Variants in SCN10A observed in about 807,000 individuals in gnomAD.
SCN10A encodes sodium voltage-gated channel alpha subunit 10, also known as sodium channel protein type 10 subunit alpha.
In SCN10A, 162 loss-of-function variants were observed where a neutral mutation model predicts 170.7. The ratio of observed to expected loss-of-function variants is 0.95; its 90% CI spans 0.84 to 1.08. The LOEUF is 1.08. Ranked by LOEUF, SCN10A falls within the 50% of genes least tolerant of loss-of-function variation. The pLI, the probability that SCN10A is intolerant of heterozygous loss-of-function variation, is 0.00. For synonymous variants in SCN10A, 985 were observed against 904.6 expected, an observed-to-expected ratio of 1.09 and a Z score of -1.59; for missense variants, 2,527 against 2,436.9, an observed-to-expected ratio of 1.04 and a Z score of -0.78.
Position 38,739,447 on chromosome 3 carries a change from C to T in SCN10A, c.2280+68G>A. The T allele has an allele frequency of 6.2e-6, 9 of 1,459,536 alleles. No individual in the cohort carries two copies. In the South Asian group the frequency reaches 1.1e-4, roughly 19 times the overall value. The allele number at this position is 1,459,536 out of a possible 1,614,324, so 90.4% of individuals were successfully genotyped here. Reference sequence around the variant, plus strand: ...GAAGGGGGAGCTGGCTGGTGCAGTCCCCAGAGCACAGTGTCTTCCCTGAAT... The same window carrying T: ...GAAGGGGGAGCTGGCTGGTGCAGTCTCCAGAGCACAGTGTCTTCCCTGAAT... On this transcript the variant is annotated intron_variant, in intron 15 of 27. Transcript: ENST00000449082.
intron 4 of SCN10A, among the ~76,000 whole-genome samples, chr3:38,787,332 C>T (rs1014291903): frequency 4.6e-5 from 7 of 152,108 alleles, no homozygotes; most frequent in Non-Finnish European, 8.8e-5. Context: ...TTGCTAGTGT[C>T]TATACACAAT....
intron 4 of SCN10A, among the ~76,000 whole-genome samples, chr3:38,787,540 G>A (rs972497976): frequency 6.6e-6 from 1 of 151,692 alleles, no homozygotes; most frequent in Middle Eastern, 3.4e-3. Flanking sequence ...TTACAAAGTG[G>A]AACTGAGAAG....
chr3:38,767,183 C>A (rs564286021), intron 5 of SCN10A, among the ~76,000 whole-genome samples: 6 of 151,420 alleles, frequency 4.0e-5, no homozygotes, highest in African/African-American at 1.5e-4. Flanking sequence ...TTAAAGAACC[C>A]GCTTTTTGTT....
At position 38,722,286 on chromosome 3, in the gene SCN10A, A is replaced by G. The variant is rs2063398350; in HGVS notation, c.3479T>C (p.Phe1160Ser). ...AGATCCACTGCTGAGCAGGATCATG[A>G]AGATGATGAAGCTCTCAAACCAGCT... Reference protein sequence around the residue: ...EHSWFESFIIFMILLSSGSLA... With the variant: ...EHSWFESFIISMILLSSGSLA... The change falls in exon 20 of 28, where the codon TTC becomes TCC. Residue 1160 changes from phenylalanine (F) to serine (S), a missense_variant. Coordinates refer to ENST00000449082, the MANE Select transcript of SCN10A (RefSeq NM_006514.4). 1 of 1,614,146 alleles carries G rather than the reference A, an allele frequency of 6.2e-7. No individual in the cohort carries two copies. The highest frequency in any genetic ancestry group is 1.3e-5 in the African/African-American group (1 of 75,044).
intron 1 of SCN10A, among the ~76,000 whole-genome samples, chr3:38,806,651 A>G (rs2064407053): frequency 6.6e-6 from 1 of 152,176 alleles, no homozygotes; most frequent in Non-Finnish European, 1.5e-5. Context: ...CAAATAATGT[A>G]TATGGAAGCA....
chr3:38,756,006 T>G, intron 10 of SCN10A, 48 bp from the exon 11 acceptor site: 1 of 1,602,290 alleles, frequency 6.2e-7, no homozygotes, highest in African/African-American at 1.3e-5. Context: ...TGCTTGGACT[T>G]AGCATGAATG....
chr3:38,718,310 C>T (rs1373057998), intron 21 of SCN10A, among the ~76,000 whole-genome samples: 1 of 152,178 alleles, frequency 6.6e-6, no homozygotes, highest in African/African-American at 2.4e-5. Flanking sequence ...TTCATGGCTC[C>T]CCAAGGTCCA....
chr3:38,782,949 A>T (rs2126051313), intron 4 of SCN10A, among the ~76,000 whole-genome samples: 1 of 152,272 alleles, frequency 6.6e-6, no homozygotes, highest in South Asian at 2.1e-4. Flanking sequence ...TTTTCTCACA[A>T]ATCTGGAGGT....
At chr3:38,748,189 C>G (rs1215557228) in intron 13 of SCN10A, among the ~76,000 whole-genome samples, 1 of 152,044 alleles carries the variant, frequency 6.6e-6, no homozygotes, top group African/African-American at 2.4e-5. Context: ...AAACAAAAAC[C>G]AAGAAACCTA....
chr3:38,789,174 A>G, intron 3 of SCN10A, 138 bp from the exon 4 acceptor site: 1 of 644,394 alleles, frequency 1.6e-6, no homozygotes, highest in Non-Finnish European at 2.8e-6. Flanking sequence ...AATAACCACT[A>G]ACATTTACTG....
chr3:38,802,442 C>T (rs1009004977), intron 1 of SCN10A, among the ~76,000 whole-genome samples: 1 of 152,144 alleles, frequency 6.6e-6, no homozygotes, highest in African/African-American at 2.4e-5. Flanking sequence ...ATATTTAACT[C>T]CCAATATACT....
At chr3:38,713,399 G>A (rs769874133) in intron 22 of SCN10A, among the ~76,000 whole-genome samples, 73 of 152,182 alleles carry the variant, frequency 4.8e-4, no homozygotes, top group Non-Finnish European at 7.9e-4. Context: ...GGCAGAGTTG[G>A]GTGATTGAGA....
chr3:38,721,458 A>C (rs772187879), intron 20 of SCN10A, among the ~76,000 whole-genome samples: 2 of 152,158 alleles, frequency 1.3e-5, no homozygotes, highest in South Asian at 4.1e-4. Flanking sequence ...GTCTATGTCT[A>C]CCTTGGTCTA....
chr3:38,699,691 G>A (rs535496347), intron 27 of SCN10A, among the ~76,000 whole-genome samples: 13 of 152,296 alleles, frequency 8.5e-5, no homozygotes, highest in South Asian at 4.1e-4. Flanking sequence ...TGTTCCCATC[G>A]TGTAGGGTAC....
intron 24 of SCN10A, among the ~76,000 whole-genome samples, chr3:38,710,539 C>A (rs185086938): frequency 6.6e-6 from 1 of 152,302 alleles, no homozygotes; most frequent in East Asian, 1.9e-4. Flanking sequence ...TTGCTTTGCT[C>A]CCACCCTTGT....
At chr3:38,726,347 A>G (rs1404324727) in intron 17 of SCN10A, among the ~76,000 whole-genome samples, 2 of 152,194 alleles carry the variant, frequency 1.3e-5, no homozygotes, top group Admixed American at 1.3e-4. Context: ...CGCATGGGAC[A>G]GCTGTGTGAA....
At chr3:38,789,766 A>C (rs969534298) in intron 3 of SCN10A, among the ~76,000 whole-genome samples, 1 of 152,122 alleles carries the variant, frequency 6.6e-6, no homozygotes, top group Non-Finnish European at 1.5e-5. Flanking sequence ...GATTATCAAA[A>C]GGGGAGGGAG....
intron 4 of SCN10A, among the ~76,000 whole-genome samples, chr3:38,779,318 C>T (rs1559460914): frequency 6.6e-6 from 1 of 151,948 alleles, no homozygotes; most frequent in Non-Finnish European, 1.5e-5. Context: ...TTGGGGATGT[C>T]ATTGAATTTA....
At chr3:38,727,263 G>C (rs1682935933) in intron 16 of SCN10A, among the ~76,000 whole-genome samples, 1 of 152,184 alleles carries the variant, frequency 6.6e-6, no homozygotes, top group Admixed American at 6.5e-5. Context: ...CAGTGGACGA[G>C]GCTTGGAAGC....
Sources: allele counts gnomAD v4.1 joint callset (sites outside exome capture counted in the v4.1 genomes callset), GRCh38; gene constraint gnomAD v4.1.1; transcripts MANE v1.5; gene names NCBI Gene and HGNC (gene_info 2026-07-23, HGNC 2026-07-21).